Variants in FRMD3 observed in about 807,000 individuals in gnomAD.
The protein encoded by FRMD3 is FERM domain containing 3, also known as FERM domain-containing protein 3.
In FRMD3, 33 loss-of-function variants were observed where a neutral mutation model predicts 70.2. The ratio of observed to expected loss-of-function variants is 0.47; its 90% CI spans 0.36 to 0.63. The LOEUF is 0.63. Ranked by LOEUF, FRMD3 falls within the 20% of genes least tolerant of loss-of-function variation. The pLI is 0.00. For synonymous variants in FRMD3, 279 were observed against 255.9 expected (o/e 1.09, Z -0.86); for missense variants, 632 against 711.4 (o/e 0.89, Z 1.27).
chr9:83,562,892 C>A, the FRMD3 span, among the ~76,000 whole-genome samples: 1 of 131,098 alleles, frequency 7.6e-6, no homozygotes, highest in Non-Finnish European at 1.6e-5. Context: ...ATGGCCAATG[C>A]CCCCCCCCCA....
chr9:83,572,151 G>A, the FRMD3 span, among the ~76,000 whole-genome samples: 2 of 86,812 alleles, frequency 2.3e-5, no homozygotes, highest in African/African-American at 2.2e-4. Context: ...TTTTTGAGGT[G>A]TGTGTGTGTG....
At chr9:83,526,842 T>C (rs1353142603) in intron 1 of FRMD3, among the ~76,000 whole-genome samples, 1 of 152,144 alleles carries the variant, frequency 6.6e-6, no homozygotes, top group African/African-American at 2.4e-5. Flanking sequence ...AACTTCTTGA[T>C]CAAAACAAAT....
chr9:83,322,380 C>A (rs116213892), intron 6 of FRMD3, among the ~76,000 whole-genome samples: 11 of 152,016 alleles, frequency 7.2e-5, no homozygotes, highest in African/African-American at 2.4e-4. Flanking sequence ...GCAGTGTGGA[C>A]GAGAAGCTGT....
intron 6 of FRMD3, among the ~76,000 whole-genome samples, chr9:83,321,896 CTT>C (rs890195551): frequency 1.9e-4 from 29 of 152,124 alleles, no homozygotes; most frequent in African/African-American, 7.0e-4. Context: ...GTTATATCCT[CTT>C]GAGTGTCAGT....
At chr9:83,347,411 G>A (rs188182279) in intron 4 of FRMD3, among the ~76,000 whole-genome samples, 2 of 152,272 alleles carry the variant, frequency 1.3e-5, no homozygotes, top group African/African-American at 4.8e-5. Context: ...TTATTGTGCT[G>A]CCATTAATAA....
the FRMD3 span, among the ~76,000 whole-genome samples, chr9:83,558,204 G>T: frequency 2.6e-5 from 4 of 152,150 alleles, no homozygotes; most frequent in African/African-American, 4.8e-5. Context: ...TTGTGCATCT[G>T]CATTTAAATT....
chr9:83,479,775 G>GA (rs1564097150), intron 1 of FRMD3, among the ~76,000 whole-genome samples: 1 of 50,628 alleles, frequency 2.0e-5, no homozygotes, highest in African/African-American at 1.3e-4. Context: ...GGGAGGGAGG[G>GA]AGGGAGGGAG....
At chr9:83,351,058 GA>G (rs1257990501) in intron 3 of FRMD3, 19 of 844,274 alleles carry the variant, frequency 2.3e-5, no homozygotes, top group Non-Finnish European at 2.6e-5. Context: ...ATCCAAATGT[GA>G]ATATGAAACA....
At chr9:83,472,808 T>C (rs551650162) in intron 1 of FRMD3, among the ~76,000 whole-genome samples, 18 of 152,230 alleles carry the variant, frequency 1.2e-4, no homozygotes, top group Non-Finnish European at 2.6e-4. Context: ...AAATTTCTCA[T>C]ATAAAATATC....
At chr9:83,250,057 G>A (rs1371295999) in intron 13 of FRMD3, among the ~76,000 whole-genome samples, 1 of 152,184 alleles carries the variant, frequency 6.6e-6, no homozygotes, top group African/African-American at 2.4e-5. Context: ...ATAAAAAGGG[G>A]CTAGTAAATG....
intron 1 of FRMD3, among the ~76,000 whole-genome samples, chr9:83,531,983 T>C (rs1564119046): frequency 1.3e-5 from 2 of 152,296 alleles, no homozygotes; most frequent in East Asian, 3.9e-4. Flanking sequence ...TGATTCTAAG[T>C]CAAAGCCTTC....
In FRMD3 at chr9:83,485,028, G is replaced by C. The variant is rs184349223; in HGVS notation, c.147+53057C>G. Among the ~76,000 whole-genome samples, 230 of 152,274 alleles carry C rather than the reference G, an allele frequency of 1.5e-3. 2 individuals carry two copies. Among genetic ancestry groups the C allele is most frequent in the African/African-American group, 5.2e-3 (216 of 41,550 alleles). ...GGTCTATCGTAATTCTGTCCCAAAGGCCTCGGCCAGAGAAACAAATATTGA... is the reference window on the plus strand; with the variant it reads ...GGTCTATCGTAATTCTGTCCCAAAGCCCTCGGCCAGAGAAACAAATATTGA... On this transcript the variant is annotated intron_variant, in intron 1 of 13. Coordinates refer to ENST00000304195, the MANE Select transcript of FRMD3 (RefSeq NM_174938.6).
chr9:83,549,358 T>C, the FRMD3 span, among the ~76,000 whole-genome samples: 1 of 152,242 alleles, frequency 6.6e-6, no homozygotes, highest in East Asian at 1.9e-4. Flanking sequence ...TTGTTACTGA[T>C]GGGCATTTAG....
rs1424945503 is a variant in FRMD3, at chr9:83,372,963, G to T, written c.253-8C>A. 4.5e-6 allele frequency: 7 copies of T among 1,553,438 alleles called. No individual in the cohort carries two copies. In the East Asian group the frequency reaches 1.4e-4, roughly 31 times the overall value. On this transcript the variant is annotated splice_region_variant and splice_polypyrimidine_tract_variant and intron_variant, in intron 2 of 13. Transcript: ENST00000304195. Reference sequence around the variant, plus strand: ...GTTAGGTTCAAGCCAGTGCTAGGGAGGAAAAAAAAAAAAGCAGAGATCAGG... The same window carrying T: ...GTTAGGTTCAAGCCAGTGCTAGGGATGAAAAAAAAAAAAGCAGAGATCAGG...
intron 1 of FRMD3, among the ~76,000 whole-genome samples, chr9:83,497,694 AC>A (rs1434112091): frequency 5.3e-5 from 8 of 151,912 alleles, no homozygotes; most frequent in African/African-American, 1.9e-4. Context: ...GCAACCTTCC[AC>A]TCTCTGCTTC....
At position 83,248,483 on chromosome 9, in the gene FRMD3, G is replaced by A. The variant is rs371243946; in HGVS notation, c.1229C>T (p.Ala410Val). ...VPLPKEENISAPLISSSPVKA... is the reference protein window; with the variant it reads ...VPLPKEENISVPLISSSPVKA... ...CACTGGGGAGCTGGAGATCAAGGGA[G>A]CAGAAATGTTCTCCTCTTTAGGCAA... The change falls in exon 14 of 14, where the codon GCT (alanine) becomes GTT (valine). Residue 410 changes from alanine (A) to valine (V), a missense_variant. Ala to Val is a moderately conservative substitution (Grantham distance 64). Transcript: ENST00000304195. The A allele has an allele frequency of 1.2e-5, 20 of 1,611,762 alleles. No individual in the cohort carries two copies. In the East Asian group the frequency reaches 1.3e-4, roughly 11 times the overall value.
At chr9:83,432,960 G>A (rs1827025074) in intron 1 of FRMD3, among the ~76,000 whole-genome samples, 1 of 152,120 alleles carries the variant, frequency 6.6e-6, no homozygotes, top group South Asian at 2.1e-4. Flanking sequence ...CTATAGCTTA[G>A]CTTCCACTTA....
At chr9:83,366,874 A>G (rs1824804519) in intron 3 of FRMD3, among the ~76,000 whole-genome samples, 2 of 151,128 alleles carry the variant, frequency 1.3e-5, no homozygotes, top group Admixed American at 6.6e-5. Flanking sequence ...AAGGCTAAAA[A>G]CTCTAAGTGA....
intron 3 of FRMD3, among the ~76,000 whole-genome samples, chr9:83,358,640 T>C (rs1397658271): frequency 1.3e-5 from 2 of 151,930 alleles, no homozygotes; most frequent in Non-Finnish European, 2.9e-5. Flanking sequence ...CTTGTAGAGG[T>C]CTTTCACCTC....
Sources: gnomAD v4.1 joint callset for allele counts (sites outside exome capture counted in the v4.1 genomes callset) on GRCh38, gnomAD v4.1.1 for gene constraint, MANE v1.5 for transcripts, NCBI Gene and HGNC (gene_info 2026-07-23, HGNC 2026-07-21) for gene names.